Variants in GNAQ observed in about 807,000 individuals in gnomAD.
GNAQ encodes guanine nucleotide-binding protein G(q) subunit alpha.
A neutral mutation model predicts 43.9 loss-of-function variants in GNAQ; 8 were observed. The observed-to-expected ratio is 0.18, with a 90% CI of 0.11 to 0.33. The LOEUF (loss-of-function observed/expected upper bound fraction) is 0.33. Ranked by LOEUF, GNAQ falls within the 10% of genes least tolerant of loss-of-function variation. The pLI, the probability that GNAQ is intolerant of heterozygous loss-of-function variation, is 1.00. For missense variants in GNAQ, 158 were observed against 450.8 expected (o/e 0.35, Z 5.88); for synonymous variants, 155 against 170.7 (o/e 0.91, Z 0.71).
chr9:78,027,267 A>G (rs1008257791), intron 1 of GNAQ, among the ~76,000 whole-genome samples: 2 of 152,232 alleles, frequency 1.3e-5, no homozygotes, highest in African/African-American at 4.8e-5. Context: ...AGATAAAAAC[A>G]TTATATATTC....
At chr9:77,766,143 T>C (rs923254367) in intron 5 of GNAQ, among the ~76,000 whole-genome samples, 2 of 152,214 alleles carry the variant, frequency 1.3e-5, no homozygotes, top group Admixed American at 1.3e-4. Flanking sequence ...CATGTAGTGA[T>C]ACCTGCACAA....
chr9:77,818,222 G>C (rs1170965463), intron 2 of GNAQ, among the ~76,000 whole-genome samples: 4 of 152,078 alleles, frequency 2.6e-5, no homozygotes, highest in Non-Finnish European at 5.9e-5. Flanking sequence ...GAATTTCTAA[G>C]TCACTTTTAC....
At chr9:78,008,653 C>G (rs1823737013) in intron 1 of GNAQ, among the ~76,000 whole-genome samples, 1 of 151,520 alleles carries the variant, frequency 6.6e-6, no homozygotes, top group Non-Finnish European at 1.5e-5. Flanking sequence ...GAGTCTCGCT[C>G]TGTTGCCCAG....
intron 5 of GNAQ, among the ~76,000 whole-genome samples, chr9:77,760,574 C>T (rs1418422602): frequency 6.6e-6 from 1 of 152,180 alleles, no homozygotes; most frequent in Admixed American, 6.5e-5. Context: ...CACCTCCCAG[C>T]CGCCTGCCTT....
At chr9:77,947,988 T>A (rs1393763191) in intron 1 of GNAQ, among the ~76,000 whole-genome samples, 4 of 152,162 alleles carry the variant, frequency 2.6e-5, no homozygotes, top group Non-Finnish European at 5.9e-5. Context: ...CTTCATAGGG[T>A]GGTTCTTGAG....
At chr9:78,022,955 G>T (rs906596033) in intron 1 of GNAQ, among the ~76,000 whole-genome samples, 1 of 152,238 alleles carries the variant, frequency 6.6e-6, no homozygotes, top group African/African-American at 2.4e-5. Flanking sequence ...AGAAAAAGAT[G>T]TTAAGGCTTG....
chr9:77,886,972 A>T (rs976949384), intron 2 of GNAQ, among the ~76,000 whole-genome samples: 4 of 137,564 alleles, frequency 2.9e-5, no homozygotes, highest in Admixed American at 7.5e-5. Flanking sequence ...AAAAAAAAAA[A>T]TTAGCTGGGC....
At chr9:77,969,293 A>G (rs1436531019) in intron 1 of GNAQ, among the ~76,000 whole-genome samples, 3 of 152,192 alleles carry the variant, frequency 2.0e-5, no homozygotes, top group African/African-American at 7.2e-5. Context: ...ATTTTCTAAC[A>G]CACCCGAATT....
At chr9:77,783,833 GAAGA>G (rs1190140635) in intron 5 of GNAQ, among the ~76,000 whole-genome samples, 1 of 152,128 alleles carries the variant, frequency 6.6e-6, no homozygotes, top group Non-Finnish European at 1.5e-5. Flanking sequence ...CTTGGAGGCT[GAAGA>G]GAGAGGATCA....
In GNAQ at chr9:77,873,921, C is replaced by T. The variant is rs1450558665; in HGVS notation, c.321+48240G>A. ...GGGAGCTCCAGACCAGCCTGGCCAA[C>T]ACGGAGAAATCCTGTCTCTACTAGA... On this transcript the variant is annotated intron_variant, in intron 2 of 6. Transcript: ENST00000286548. Among the ~76,000 whole-genome samples the T allele has an allele frequency of 2.6e-5, 4 of 151,956 alleles. No homozygotes were observed. The East Asian group carries it at 7.7e-4, about 29-fold the overall frequency.
chr9:77,835,585 G>T (rs1309883185), intron 2 of GNAQ, among the ~76,000 whole-genome samples: 1 of 152,104 alleles, frequency 6.6e-6, no homozygotes, highest in Non-Finnish European at 1.5e-5. Context: ...AGCTATCTTT[G>T]ATTGAGCATG....
intron 5 of GNAQ, among the ~76,000 whole-genome samples, chr9:77,771,142 A>T (rs770618043): frequency 3.3e-5 from 5 of 152,202 alleles, no homozygotes; most frequent in Admixed American, 6.5e-5. Flanking sequence ...CAGTTTAATG[A>T]ACACATAACC....
chr9:77,731,320 C>G (rs1825484883), intron 5 of GNAQ, among the ~76,000 whole-genome samples: 1 of 152,156 alleles, frequency 6.6e-6, no homozygotes, highest in South Asian at 2.1e-4. Context: ...TGGAGCCCGA[C>G]TGAGCCCAGC....
intron 5 of GNAQ, among the ~76,000 whole-genome samples, chr9:77,766,653 G>A (rs1266707909): frequency 6.6e-6 from 1 of 152,078 alleles, no homozygotes; most frequent in Non-Finnish European, 1.5e-5. Context: ...TGTAGGGTGG[G>A]AGGCTGGGGA....
intron 2 of GNAQ, among the ~76,000 whole-genome samples, chr9:77,905,376 C>T (rs1316218291): frequency 2.0e-5 from 3 of 152,142 alleles, no homozygotes; most frequent in South Asian, 2.1e-4. Flanking sequence ...CTAAGGCTTA[C>T]TGGATTAGAG....
chr9:77,865,952 T>C (rs1157281408), intron 2 of GNAQ, among the ~76,000 whole-genome samples: 1 of 152,184 alleles, frequency 6.6e-6, no homozygotes, highest in African/African-American at 2.4e-5. Flanking sequence ...AGGAATATAA[T>C]GATTAAGATA....
Position 77,849,921 on chromosome 9 carries a change from C to T in GNAQ, c.322-34151G>A, listed in dbSNP as rs529848950. On this transcript the variant is annotated intron_variant, in intron 2 of 6. Transcript: ENST00000286548. ...CCTCCCAAAGTGCTGGGATTACAGGCATGAGTCACCTTGCCCAGCCCTTGA... is the reference window on the plus strand; with the variant it reads ...CCTCCCAAAGTGCTGGGATTACAGGTATGAGTCACCTTGCCCAGCCCTTGA... Among the ~76,000 whole-genome samples the T allele has an allele frequency of 3.3e-5, 5 of 152,322 alleles. No individual in the cohort carries two copies. The East Asian group carries it at 9.7e-4, about 30-fold the overall frequency.
intron 1 of GNAQ, among the ~76,000 whole-genome samples, chr9:77,958,915 T>A (rs1294037572): frequency 6.6e-6 from 1 of 152,198 alleles, no homozygotes; most frequent in Non-Finnish European, 1.5e-5. Flanking sequence ...TTTCCCCTTT[T>A]CCCAACTCAG....
At chr9:77,828,788 G>A (rs940551804) in intron 2 of GNAQ, among the ~76,000 whole-genome samples, 4 of 152,164 alleles carry the variant, frequency 2.6e-5, no homozygotes, top group African/African-American at 9.7e-5. Flanking sequence ...GAAGGCCTGG[G>A]GGAGCCTCTG....
Sources: allele counts gnomAD v4.1 joint callset (sites outside exome capture counted in the v4.1 genomes callset), GRCh38; gene constraint gnomAD v4.1.1; transcripts MANE v1.5; gene names NCBI Gene and HGNC (gene_info 2026-07-23, HGNC 2026-07-21).